PDS5A: variants seen among roughly 807,000 people sequenced by gnomAD.
PDS5A encodes the protein sister chromatid cohesion protein PDS5 homolog A.
In PDS5A, 42 loss-of-function variants were observed where a neutral mutation model predicts 167.1. The observed-to-expected ratio is 0.25, with a 90% CI of 0.20 to 0.33. PDS5A has a LOEUF of 0.33. PDS5A is among the 10% of genes least tolerant of loss of function. The probability of loss-of-function intolerance (pLI) is 1.00; values close to 1 mark genes in which losing one functional copy is unlikely to be tolerated. For missense variants in PDS5A, 1,033 were observed against 1,605.9 expected (o/e 0.64, Z 6.10); for synonymous variants, 553 against 554.6 (o/e 1.00, Z 0.04).
At chr4:39,866,683 T>C (rs1181722546) in intron 23 of PDS5A, among the ~76,000 whole-genome samples, 178 bp downstream of exon 23, 1 of 152,210 alleles carries the variant, frequency 6.6e-6, no homozygotes, top group African/African-American at 2.4e-5. Context: ...GAAAAATATA[T>C]TGGCACTATT....
intron 21 of PDS5A, among the ~76,000 whole-genome samples, chr4:39,871,785 C>A (rs528435708): frequency 1.3e-5 from 2 of 152,258 alleles, no homozygotes; most frequent in South Asian, 4.2e-4. Context: ...CTCACTGCAA[C>A]CTCTGCCTCC....
chr4:39,926,085 C>T (rs1725431315), intron 4 of PDS5A, among the ~76,000 whole-genome samples, 152 bp from the exon 5 acceptor site: 1 of 151,968 alleles, frequency 6.6e-6, no homozygotes, highest in African/African-American at 2.4e-5. Context: ...ATCACATATT[C>T]TGACCTTGAA....
Position 39,913,853 on chromosome 4 carries a change from A to G in PDS5A, c.877-127T>C, listed in dbSNP as rs372697626. 4.5e-4 allele frequency: 282 copies of G among 632,938 alleles called. 2 individuals are homozygous for G. The highest frequency in any genetic ancestry group is 4.0e-3 in the East Asian group (150 of 37,476). 39.2% of individuals were successfully genotyped at this position (632,938 alleles called of 1,614,324 possible). On this transcript the variant is annotated intron_variant, in intron 8 of 32. Coordinates refer to ENST00000303538, the MANE Select transcript of PDS5A (RefSeq NM_001100399.2). The stretch of plus-strand genomic sequence containing the variant: ...ATAACTGTGAGAAGTTTAAAATATC[A>G]TATGTCCTCACTTACTATGCAGAAA...
intron 11 of PDS5A, among the ~76,000 whole-genome samples, chr4:39,907,485 A>C (rs1049808068): frequency 7.2e-5 from 11 of 152,272 alleles, no homozygotes; most frequent in Admixed American, 2.0e-4. Context: ...TGTTAGGCCT[A>C]ATCAGCCTGC....
intron 21 of PDS5A, among the ~76,000 whole-genome samples, chr4:39,869,868 G>C (rs1719871773): frequency 6.6e-6 from 1 of 152,098 alleles, no homozygotes; most frequent in African/African-American, 2.4e-5. Context: ...GCACTATGGG[G>C]GGATGAGGCA....
In PDS5A at chr4:39,896,838, C is replaced by A. The variant is rs923371170; in HGVS notation, c.1770+1551G>T. ...ATACAACCACATACAATAGCCTAGG[C>A]CTACGCCAGGTCAGGATCACCAAGA... On this transcript the variant is annotated intron_variant, in intron 16 of 32. Transcript: ENST00000303538. Among the ~76,000 whole-genome samples, 7 of 150,388 alleles carry A rather than the reference C, an allele frequency of 4.7e-5. No individual in the cohort carries two copies. The South Asian group carries it at 6.3e-4, about 14-fold the overall frequency.
chr4:39,964,877 A>T (rs552752265), intron 2 of PDS5A, among the ~76,000 whole-genome samples: 2 of 152,168 alleles, frequency 1.3e-5, no homozygotes, highest in African/African-American at 4.8e-5. Flanking sequence ...TGGGGGACAG[A>T]GGTTGCAGTG....
chr4:39,953,194 C>G (rs1226211537), intron 2 of PDS5A, among the ~76,000 whole-genome samples: 2 of 152,190 alleles, frequency 1.3e-5, no homozygotes, highest in East Asian at 3.8e-4. Flanking sequence ...CCTTAGGACA[C>G]AACAACCGCT....
At chr4:39,840,647 C>T (rs998849799) in intron 31 of PDS5A, among the ~76,000 whole-genome samples, 8 of 151,556 alleles carry the variant, frequency 5.3e-5, no homozygotes, top group South Asian at 2.1e-4. Flanking sequence ...TTGCCTGCCT[C>T]GGCCTCCCAA....
intron 13 of PDS5A, 46 bp from the exon 14 acceptor site, chr4:39,900,553 G>T: frequency 8.2e-7 from 1 of 1,218,102 alleles, no homozygotes; most frequent in Non-Finnish European, 1.2e-6. Flanking sequence ...AACAATACTG[G>T]AAATTATTCA....
At chr4:39,871,878 G>A (rs985656869) in intron 21 of PDS5A, among the ~76,000 whole-genome samples, 5 of 151,580 alleles carry the variant, frequency 3.3e-5, no homozygotes, top group African/African-American at 1.2e-4. Flanking sequence ...TAATTTTTTT[G>A]TATTTTTAGT....
chr4:39,886,552 A>G (rs776551112), intron 17 of PDS5A, among the ~76,000 whole-genome samples: 5 of 151,930 alleles, frequency 3.3e-5, no homozygotes, highest in Non-Finnish European at 7.4e-5. Flanking sequence ...CATCTCTACT[A>G]AAAATACAAA....
chr4:39,868,745 T>C (rs966628100), intron 22 of PDS5A: 9 of 448,218 alleles, frequency 2.0e-5, no homozygotes, highest in Admixed American at 7.4e-5. Context: ...GCTGGGATAA[T>C]AGGTGTGAAA....
At chr4:39,911,508 A>G (rs1204514187) in intron 9 of PDS5A, among the ~76,000 whole-genome samples, 1 of 152,088 alleles carries the variant, frequency 6.6e-6, no homozygotes, top group African/African-American at 2.4e-5. Context: ...TAAGAATTCA[A>G]TTAACATACA....
intron 30 of PDS5A, among the ~76,000 whole-genome samples, chr4:39,844,398 C>T (rs897002731): frequency 6.6e-6 from 1 of 150,836 alleles, no homozygotes; most frequent in Admixed American, 6.6e-5. Context: ...TTGCTTGAAC[C>T]CGGGAGGCAG....
In PDS5A at chr4:39,947,165, C is replaced by T. The variant is rs183412251; in HGVS notation, c.139-19001G>A. ...TGAATAATCTGACAAAGAAATTAAA[C>T]AAACATGACCAGGCATGGTGGTTCA... On this transcript the variant is annotated intron_variant, in intron 2 of 32. Coordinates refer to ENST00000303538, the MANE Select transcript of PDS5A (RefSeq NM_001100399.2). Among the ~76,000 whole-genome samples, 5 of 151,994 alleles carry T rather than the reference C, an allele frequency of 3.3e-5. No individual in the cohort carries two copies. In the East Asian group the frequency reaches 9.7e-4, roughly 30 times the overall value.
chr4:39,836,670 G>A (rs1253070805), intron 32 of PDS5A, among the ~76,000 whole-genome samples: 34 of 144,998 alleles, frequency 2.3e-4, no homozygotes, highest in African/African-American at 7.9e-4. Flanking sequence ...CACCATGTTG[G>A]CCACGTTGGT....
intron 18 of PDS5A, among the ~76,000 whole-genome samples, chr4:39,877,992 C>A (rs571147437): frequency 6.6e-6 from 1 of 152,114 alleles, no homozygotes; most frequent in African/African-American, 2.4e-5. Context: ...TATAATTATT[C>A]CCTTATTATA....
intron 7 of PDS5A, among the ~76,000 whole-genome samples, chr4:39,918,963 A>C (rs1424928945): frequency 1.3e-5 from 2 of 152,196 alleles, no homozygotes; most frequent in Non-Finnish European, 2.9e-5. Context: ...CACACACACA[A>C]AAAAGCACAG....
Sources: gnomAD v4.1 joint callset for allele counts (sites outside exome capture counted in the v4.1 genomes callset) on GRCh38, gnomAD v4.1.1 for gene constraint, MANE v1.5 for transcripts, NCBI Gene and HGNC (gene_info 2026-07-23, HGNC 2026-07-21) for gene names.